Variants in PDE8A observed in about 807,000 individuals in gnomAD.
The protein encoded by PDE8A is phosphodiesterase 8A, also known as high affinity cAMP-specific and IBMX-insensitive 3',5'-cyclic phosphodiesterase 8A.
A neutral mutation model predicts 105.0 loss-of-function variants in PDE8A; 59 were observed. The ratio of observed to expected loss-of-function variants is 0.56; its 90% CI spans 0.46 to 0.70. The LOEUF (loss-of-function observed/expected upper bound fraction) is 0.70. Among genes scored for constraint, PDE8A ranks in the 30% least tolerant of loss-of-function variants. The pLI is 0.00. For synonymous variants in PDE8A, 355 were observed against 371.9 expected (o/e 0.95, Z 0.52); for missense variants, 1,014 against 1,045.9 (o/e 0.97, Z 0.42).
At chr15:85,008,732 C>G (rs1220585705) in intron 1 of PDE8A, among the ~76,000 whole-genome samples, 1 of 152,132 alleles carries the variant, frequency 6.6e-6, no homozygotes, top group Non-Finnish European at 1.5e-5. Context: ...CTCCTCTAGT[C>G]TGCCTGAATC....
intron 20 of PDE8A, among the ~76,000 whole-genome samples, chr15:85,126,654 T>C (rs886931732): frequency 6.6e-6 from 1 of 151,998 alleles, no homozygotes; most frequent in Non-Finnish European, 1.5e-5. Context: ...TCATATTCTT[T>C]CTGAGTAGAA....
At chr15:85,103,385 C>T (rs1461268356) in intron 11 of PDE8A, among the ~76,000 whole-genome samples, 3 of 152,108 alleles carry the variant, frequency 2.0e-5, no homozygotes, top group Non-Finnish European at 2.9e-5. Flanking sequence ...ACTTGGTCAC[C>T]GTTGACTTAG....
intron 1 of PDE8A, among the ~76,000 whole-genome samples, chr15:85,046,143 G>C (rs1002007328): frequency 6.8e-6 from 1 of 146,274 alleles, no homozygotes; most frequent in African/African-American, 2.5e-5. Context: ...TCTCAGCTCA[G>C]TGCAATCTCT....
intron 1 of PDE8A, among the ~76,000 whole-genome samples, chr15:85,045,160 G>A (rs1332533823): frequency 1.3e-5 from 2 of 152,098 alleles, no homozygotes; most frequent in Non-Finnish European, 2.9e-5. Context: ...GCCTCAGAGG[G>A]GCCTTCCTTG....
rs756963663 is a variant in PDE8A, at chr15:85,130,976, C to T, written c.2253+4602C>T. Reference sequence around the variant, plus strand: ...GGTTTCATGTTGGTCAGGCTGGTCTCTAACTCCTGACCTCAGGTGATCCGC... The same window carrying T: ...GGTTTCATGTTGGTCAGGCTGGTCTTTAACTCCTGACCTCAGGTGATCCGC... On this transcript the variant is annotated intron_variant, in intron 20 of 21. Coordinates refer to ENST00000394553, the MANE Select transcript of PDE8A (RefSeq NM_002605.3). Among the ~76,000 whole-genome samples the T allele has an allele frequency of 5.7e-4, 87 of 152,076 alleles. 1 individual carries two copies. Among genetic ancestry groups the T allele is most frequent in the Admixed American group, 4.6e-4 (7 of 15,280 alleles).
At position 85,095,874 on chromosome 15, in the gene PDE8A, A is replaced by T. The variant is rs547593095; in HGVS notation, c.853-2074A>T. Among the ~76,000 whole-genome samples, 557 of 99,592 alleles carry T rather than the reference A, an allele frequency of 5.6e-3. 3 individuals are homozygous for T. The highest frequency in any genetic ancestry group is 0.022 in the African/African-American group (234 of 10,656). 65.3% of individuals were successfully genotyped at this position (99,592 alleles called of 152,430 possible). On this transcript the variant is annotated intron_variant, in intron 8 of 21. Coordinates refer to ENST00000394553, the MANE Select transcript of PDE8A (RefSeq NM_002605.3). ...GAAGATCCTGAATATATATATATAT[A>T]TTTTTTTTATATATATATTTTTTGT...
chr15:85,045,148 C>G (rs1056576001), intron 1 of PDE8A, among the ~76,000 whole-genome samples: 1 of 152,198 alleles, frequency 6.6e-6, no homozygotes, highest in African/African-American at 2.4e-5. Flanking sequence ...TCCTGCATTG[C>G]TGCCTCAGAG....
intron 1 of PDE8A, among the ~76,000 whole-genome samples, chr15:85,061,051 G>A (rs2081136229): frequency 6.6e-6 from 1 of 151,718 alleles, no homozygotes; most frequent in African/African-American, 2.4e-5. Context: ...TTTTCATTCT[G>A]GAGATGTCTT....
chr15:84,992,194 G>A (rs2079896622), intron 1 of PDE8A, among the ~76,000 whole-genome samples: 1 of 152,096 alleles, frequency 6.6e-6, no homozygotes, highest in Non-Finnish European at 1.5e-5. Context: ...GGTGGGGTAG[G>A]TCTCTGACCT....
Position 85,120,880 on chromosome 15 carries a change from C to G in PDE8A, c.1818C>G (p.Ser606=). ...TGGATCACCCTGGGAGAACCAACTC[C>G]TTCCTGTGTAATGCTGGAAGTGAGC... ...HDVDHPGRTN[S]FLCNAGSELA... Residue 606 remains serine, a synonymous_variant, in exon 18 of 22, where the codon TCC becomes TCG. Coordinates refer to ENST00000394553, the MANE Select transcript of PDE8A (RefSeq NM_002605.3). The G allele has an allele frequency of 6.2e-7, 1 of 1,613,974 alleles. No homozygotes were observed. The highest frequency in any genetic ancestry group is 8.5e-7 in the Non-Finnish European group (1 of 1,179,792).
At chr15:85,002,467 G>A (rs951560797) in intron 1 of PDE8A, among the ~76,000 whole-genome samples, 1 of 152,210 alleles carries the variant, frequency 6.6e-6, no homozygotes, top group East Asian at 1.9e-4. Context: ...CCACCCTCTG[G>A]CATGTGGATG....
chr15:85,130,286 G>A (rs2082312787), intron 20 of PDE8A, among the ~76,000 whole-genome samples: 1 of 152,128 alleles, frequency 6.6e-6, no homozygotes, highest in African/African-American at 2.4e-5. Flanking sequence ...CTCCAGCACT[G>A]GGGATTATTT....
intron 1 of PDE8A, among the ~76,000 whole-genome samples, chr15:84,984,655 T>C (rs2079772984): frequency 6.6e-6 from 1 of 152,224 alleles, no homozygotes; most frequent in Non-Finnish European, 1.5e-5. Context: ...TTAAGCAGTA[T>C]GTACTTTGCG....
At chr15:85,119,266 C>T (rs1244123700) in intron 17 of PDE8A, among the ~76,000 whole-genome samples, 5 of 151,694 alleles carry the variant, frequency 3.3e-5, no homozygotes, top group Admixed American at 2.6e-4. Flanking sequence ...ATCAGGAATT[C>T]GAGACCAGCC....
At position 85,017,262 on chromosome 15, in the gene PDE8A, C is replaced by CA. The variant is rs11300943; in HGVS notation, c.186+34928dup. 2.1e-3 allele frequency among the ~76,000 whole-genome samples: 307 copies of CA among 143,716 alleles called. 2 individuals carry two copies. Among genetic ancestry groups the CA allele is most frequent in the South Asian group, 0.015 (66 of 4,544 alleles). 94.3% of individuals were successfully genotyped at this position (143,716 alleles called of 152,430 possible). On this transcript the variant is annotated intron_variant, in intron 1 of 21. Transcript: ENST00000394553. The stretch of plus-strand genomic sequence containing the variant: ...CGGCCTGGGCGACAGAGCGAGACTC[C>CA]AAAAAAAAAAAAAATAAATAAATGA...
intron 6 of PDE8A, among the ~76,000 whole-genome samples, chr15:85,086,990 T>G (rs1347792687): frequency 6.6e-6 from 1 of 151,722 alleles, no homozygotes; most frequent in Non-Finnish European, 1.5e-5. Context: ...TCTCAAACTC[T>G]GACTAGTGCT....
intron 6 of PDE8A, among the ~76,000 whole-genome samples, chr15:85,086,561 A>G (rs772830797): frequency 1.9e-4 from 29 of 152,198 alleles, no homozygotes; most frequent in Non-Finnish European, 3.5e-4. Context: ...TTAATGGCCA[A>G]TAAATGTGAA....
chr15:85,097,753 TG>T (rs1276338277), intron 8 of PDE8A, 194 bp from the exon 9 acceptor site: 1 of 554,308 alleles, frequency 1.8e-6, no homozygotes, highest in Non-Finnish European at 3.2e-6. Flanking sequence ...ACCTGACTTT[TG>T]TCAGCAACTC....
intron 1 of PDE8A, among the ~76,000 whole-genome samples, chr15:85,053,056 A>G (rs1206688463): frequency 6.6e-6 from 1 of 152,230 alleles, no homozygotes; most frequent in African/African-American, 2.4e-5. Flanking sequence ...CAGTTTTCCC[A>G]GCACTATTTA....
Sources: gnomAD v4.1 joint callset for allele counts (sites outside exome capture counted in the v4.1 genomes callset) on GRCh38, gnomAD v4.1.1 for gene constraint, MANE v1.5 for transcripts, NCBI Gene and HGNC (gene_info 2026-07-23, HGNC 2026-07-21) for gene names.